The following HVCN1 variants were observed in gnomAD, a reference collection of about 807,000 sequenced individuals.
HVCN1 encodes voltage-gated hydrogen channel 1.
In HVCN1, 14 loss-of-function variants were observed where a neutral mutation model predicts 29.2. The ratio of observed to expected loss-of-function variants is 0.48; its 90% CI spans 0.32 to 0.75. The LOEUF (loss-of-function observed/expected upper bound fraction) is 0.75. HVCN1 is among the 30% of genes least tolerant of loss of function. The pLI, the probability that HVCN1 is intolerant of heterozygous loss-of-function variation, is 0.04. For synonymous variants in HVCN1, 131 were observed against 133.2 expected (o/e 0.98, Z 0.11); for missense variants, 263 against 341.8 (o/e 0.77, Z 1.82).
chr12:110,680,780 A>AC (rs2068938739), intron 3 of HVCN1, among the ~76,000 whole-genome samples: 1 of 152,124 alleles, frequency 6.6e-6, no homozygotes, highest in African/African-American at 2.4e-5. Flanking sequence ...AACAAAAAAA[A>AC]CTAGCTGGAG....
chr12:110,698,852 G>C (rs2069531991), intron 2 of HVCN1, among the ~76,000 whole-genome samples: 1 of 152,190 alleles, frequency 6.6e-6, no homozygotes, highest in East Asian at 1.9e-4. Context: ...AGCCAGCCGG[G>C]CACGGTGGCT....
chr12:110,689,904 C>T (rs1381053801), upstream of HVCN1: 3 of 152,388 alleles, frequency 2.0e-5, no homozygotes, highest in African/African-American at 7.2e-5. This position sits in a 1 kb window ranked among gnomAD's most constrained non-coding sequence, Gnocchi z 5.7. Flanking sequence ...CCCAAACATC[C>T]TGCAAAGCCG....
intron 2 of HVCN1, among the ~76,000 whole-genome samples, chr12:110,698,656 T>C (rs531307918): frequency 1.3e-5 from 2 of 152,330 alleles, no homozygotes; most frequent in African/African-American, 4.8e-5. Flanking sequence ...ACCCGAGCAC[T>C]GTCTGCAGGG....
intron 2 of HVCN1, among the ~76,000 whole-genome samples, chr12:110,685,752 C>T (rs918392488): frequency 2.0e-5 from 3 of 151,778 alleles, no homozygotes; most frequent in Non-Finnish European, 4.4e-5. Flanking sequence ...TGCAGTGGTG[C>T]GATCAGAGCT....
chr12:110,657,943 A>G (rs1054017427), intron 4 of HVCN1, among the ~76,000 whole-genome samples: 5 of 152,140 alleles, frequency 3.3e-5, no homozygotes, highest in Non-Finnish European at 5.9e-5. Flanking sequence ...ACATCTCTCA[A>G]TGCTGGAAGC....
At chr12:110,691,994 C>T (rs1018068295), upstream of HVCN1, among the ~76,000 whole-genome samples, 2 of 152,162 alleles carry the variant, frequency 1.3e-5, no homozygotes, top group Non-Finnish European at 2.9e-5. Context: ...TCAGCATTGT[C>T]GTGTTTACTG....
At chr12:110,671,031 A>G (rs1158442864) in intron 3 of HVCN1, among the ~76,000 whole-genome samples, 1 of 152,206 alleles carries the variant, frequency 6.6e-6, no homozygotes, top group East Asian at 1.9e-4. Flanking sequence ...GTCTCTACTA[A>G]AAATATAAAA....
In HVCN1 at chr12:110,701,373, A is replaced by G. The variant is rs530390689; in HGVS notation, c.-104+936T>C. Among the ~76,000 whole-genome samples the G allele has an allele frequency of 2.0e-5, 3 of 152,296 alleles. No homozygotes were observed. The South Asian group carries it at 6.2e-4, about 32-fold the overall frequency. ...ACAATACCAGCATCACTCTGATACT[A>G]AACTTGATGAAAATGCACATTCTTG... On this transcript the variant is annotated intron_variant, in intron 2 of 4. Transcript: ENST00000546713.
chr12:110,694,016 A>C (rs900706944), upstream of HVCN1, among the ~76,000 whole-genome samples: 9 of 152,112 alleles, frequency 5.9e-5, no homozygotes, highest in Middle Eastern at 3.2e-3. The surrounding 1 kb of genome is among the most constrained non-coding windows in gnomAD (Gnocchi z 4.6). Context: ...CAGTGAGCCC[A>C]GCTTGCTTGA....
chr12:110,652,332 A>G (rs1447231404), intron 5 of HVCN1, among the ~76,000 whole-genome samples: 1 of 152,250 alleles, frequency 6.6e-6, no homozygotes, highest in Non-Finnish European at 1.5e-5. Context: ...GAGAGGTTGC[A>G]GTGAGCCGAG....
upstream of HVCN1, among the ~76,000 whole-genome samples, chr12:110,694,175 A>G (rs1240379311): frequency 6.6e-6 from 1 of 152,100 alleles, no homozygotes; most frequent in Non-Finnish European, 1.5e-5. The surrounding 1 kb of genome is among the most constrained non-coding windows in gnomAD (Gnocchi z 4.6). Flanking sequence ...CTATCCTCCC[A>G]TCTTAGCCTC....
At chr12:110,649,833 A>AG (rs905041373) in intron 7 of HVCN1, among the ~76,000 whole-genome samples, 7 of 150,534 alleles carry the variant, frequency 4.7e-5, no homozygotes, top group Admixed American at 1.3e-4. Flanking sequence ...GCTGCGGCAG[A>AG]GGCCAGCTTC....
At chr12:110,677,315 C>T (rs1281800128) in intron 3 of HVCN1, among the ~76,000 whole-genome samples, 1 of 152,202 alleles carries the variant, frequency 6.6e-6, no homozygotes, top group African/African-American at 2.4e-5. Flanking sequence ...TCTGTCCCCA[C>T]TCTGGCCACA....
At chr12:110,655,954 C>T (rs1243351640) in intron 4 of HVCN1, among the ~76,000 whole-genome samples, 1 of 152,228 alleles carries the variant, frequency 6.6e-6, no homozygotes, top group Non-Finnish European at 1.5e-5. Flanking sequence ...ATCCACCCAC[C>T]TTGGCCTCCC....
intron 2 of HVCN1, among the ~76,000 whole-genome samples, chr12:110,695,952 ATTT>A (rs200611942): frequency 7.3e-6 from 1 of 137,130 alleles, no homozygotes. Context: ...GGATCGTTTG[ATTT>A]TTTTTTTTTT....
At chr12:110,687,866 C>G (rs2069253777) in intron 2 of HVCN1, 1 of 152,432 alleles carries the variant, frequency 6.6e-6, no homozygotes, top group Non-Finnish European at 1.5e-5. Flanking sequence ...GCAGGGGCCA[C>G]AGAGCAGCTC....
chr12:110,702,700 G>C (rs1478742603), intron 1 of HVCN1, among the ~76,000 whole-genome samples: 1 of 150,768 alleles, frequency 6.6e-6, no homozygotes, highest in Non-Finnish European at 1.5e-5. Flanking sequence ...TGTTGCCCAG[G>C]CTGGAGTGCA....
intron 3 of HVCN1, among the ~76,000 whole-genome samples, chr12:110,672,828 C>G (rs533074106): frequency 6.6e-6 from 1 of 152,078 alleles, no homozygotes; most frequent in Admixed American, 6.6e-5. Context: ...CTCTTGCTGC[C>G]GCCACATAAG....
At chr12:110,667,040 G>A (rs2068389380) in intron 3 of HVCN1, among the ~76,000 whole-genome samples, 1 of 152,148 alleles carries the variant, frequency 6.6e-6, no homozygotes, top group Non-Finnish European at 1.5e-5. Flanking sequence ...CTCCCATGCT[G>A]GGCTCATCTC....
Sources: gnomAD v4.1 joint callset for allele counts (sites outside exome capture counted in the v4.1 genomes callset) on GRCh38, gnomAD v4.1.1 for gene constraint, Gnocchi (gnomAD v3.1) non-coding constraint, MANE v1.5 for transcripts, NCBI Gene and HGNC (gene_info 2026-07-23, HGNC 2026-07-21) for gene names.